PCNT: variants seen among roughly 807,000 people sequenced by gnomAD.
The protein encoded by PCNT is pericentrin, also known as kendrin.
PCNT carries 319 observed loss-of-function variants against 380.4 expected under a neutral mutation model. The observed-to-expected ratio is 0.84, with a 90% CI of 0.77 to 0.92. The LOEUF is 0.92. Among genes scored for constraint, PCNT ranks in the 40% least tolerant of loss-of-function variants. The probability of loss-of-function intolerance (pLI) is 0.00; values close to 1 mark genes in which losing one functional copy is unlikely to be tolerated. For missense variants in PCNT, 4,400 were observed against 4,255.3 expected, an observed-to-expected ratio of 1.03 and a Z score of -0.95; for synonymous variants, 1,845 against 1,735.2, an observed-to-expected ratio of 1.06 and a Z score of -1.57.
chr21:46,407,986 GT>G (rs1297061956), intron 27 of PCNT, among the ~76,000 whole-genome samples: 1 of 151,984 alleles, frequency 6.6e-6, no homozygotes, highest in Non-Finnish European at 1.5e-5. Context: ...TTATTTTTCA[GT>G]ATAACAATTT....
At chr21:46,329,856 G>A (rs1601745138) in intron 2 of PCNT, among the ~76,000 whole-genome samples, 1 of 152,218 alleles carries the variant, frequency 6.6e-6, no homozygotes, top group Non-Finnish European at 1.5e-5. Context: ...GGAAAAGTAT[G>A]TGCTCCTGCA....
chr21:46,410,855 A>C (rs1361738443), intron 27 of PCNT, among the ~76,000 whole-genome samples: 2 of 152,248 alleles, frequency 1.3e-5, no homozygotes. Flanking sequence ...CCTTCAGGAA[A>C]ATCAAACAAA....
chr21:46,367,059 T>G lies in PCNT; in HGVS notation c.3085T>G (p.Ser1029Ala). Reference sequence around the variant, plus strand: ...GCGGAAACACGAAGGGGAGCTACAGTCTGTGCGGGACCACCTGCGAACCGA... The same window carrying G: ...GCGGAAACACGAAGGGGAGCTACAGGCTGTGCGGGACCACCTGCGAACCGA... ...LKRKHEGELQSVRDHLRTEVS... is the reference protein window; with the variant it reads ...LKRKHEGELQAVRDHLRTEVS... The change falls in exon 15 of 47, where the codon TCT becomes GCT. Residue 1029 changes from serine (S) to alanine (A), a missense_variant. Transcript: ENST00000359568. 1 of 1,613,972 alleles carries G rather than the reference T, an allele frequency of 6.2e-7. No individual in the cohort carries two copies. The highest frequency in any genetic ancestry group is 8.5e-7 in the Non-Finnish European group (1 of 1,180,012).
Position 46,431,863 on chromosome 21 carries a change from G to C in PCNT, c.8399G>C (p.Arg2800Pro). ...LLQKLKEEKS[R>P]VVDLQAMLEK... ...CAGAAGCTGAAGGAGGAGAAGTCCC[G>C]GGTGGTGGACTTGCAAGCGATGCTT... is the stretch of plus-strand genomic sequence containing the variant. The change falls in exon 38 of 47, where the codon CGG becomes CCG. Residue 2800 changes from arginine to proline, a missense_variant. Physicochemically the swap from Arg to Pro is moderately radical, Grantham distance 103. Coordinates refer to ENST00000359568, the MANE Select transcript of PCNT (RefSeq NM_006031.6). 6.2e-7 allele frequency: 1 copy of C among 1,614,008 alleles called. No homozygotes were observed. Among genetic ancestry groups the C allele is most frequent in the Non-Finnish European group, 8.5e-7 (1 of 1,180,022 alleles).
At chr21:46,430,782 A>C in intron 37 of PCNT, 125 bp downstream of exon 37, 1 of 1,531,860 alleles carries the variant, frequency 6.5e-7, no homozygotes, top group Non-Finnish European at 8.8e-7. Context: ...CAGCAGTGTG[A>C]CGTAGCAGGA....
intron 38 of PCNT, among the ~76,000 whole-genome samples, chr21:46,433,197 C>G (rs1453382779): frequency 1.3e-5 from 2 of 152,094 alleles, no homozygotes; most frequent in African/African-American, 4.8e-5. Flanking sequence ...GCCTGGCCAA[C>G]AAGGCGAAAG....
intron 13 of PCNT, among the ~76,000 whole-genome samples, chr21:46,359,946 T>A (rs536892216): frequency 3.3e-5 from 5 of 150,864 alleles, no homozygotes; most frequent in African/African-American, 1.2e-4. Flanking sequence ...AACCTCTTCC[T>A]CCCAGGCTCA....
intron 32 of PCNT, among the ~76,000 whole-genome samples, chr21:46,422,476 C>T (rs1387907548): frequency 6.7e-6 from 1 of 149,928 alleles, no homozygotes; most frequent in East Asian, 1.9e-4. Flanking sequence ...CACCAGACGC[C>T]GCAGTGCTCT....
At chr21:46,351,613 G>C (rs1035883530) in intron 9 of PCNT, 73 bp downstream of exon 9, 39 of 920,946 alleles carry the variant, frequency 4.2e-5, no homozygotes, top group Non-Finnish European at 6.7e-5. Flanking sequence ...GTAACACCAA[G>C]CCAGAATTTA....
Position 46,431,569 on chromosome 21 carries a change from G to A in PCNT, c.8105G>A (p.Ser2702Asn), listed in dbSNP as rs765063998. The A allele has an allele frequency of 1.2e-6, 2 of 1,614,076 alleles. No homozygotes were observed. The highest frequency in any genetic ancestry group is 2.2e-5 in the South Asian group (2 of 91,090). Residue 2702 changes from serine to asparagine, a missense_variant, in exon 38 of 47, where the codon AGT (serine) becomes AAT (asparagine). Coordinates refer to ENST00000359568, the MANE Select transcript of PCNT (RefSeq NM_006031.6). The part of the protein sequence containing the change: ...ASLETQRAQS[S>N]RLCVALKHEQ... The stretch of plus-strand genomic sequence containing the variant: ...TTGGAGACACAGCGTGCTCAGAGCA[G>A]TCGACTCTGCGTGGCACTGAAACAC...
chr21:46,397,623 A>T (rs950597152), intron 22 of PCNT, 129 bp downstream of exon 22: 7 of 771,694 alleles, frequency 9.1e-6, no homozygotes, highest in Non-Finnish European at 1.5e-5. Context: ...CCTGCTGCAC[A>T]GGTGCACCCA....
intron 28 of PCNT, among the ~76,000 whole-genome samples, chr21:46,412,396 T>C (rs1402874070): frequency 6.6e-6 from 1 of 152,224 alleles, no homozygotes; most frequent in Non-Finnish European, 1.5e-5. Flanking sequence ...AAGCTGCTTC[T>C]CTGGTTTCTA....
At position 46,431,525 on chromosome 21, in the gene PCNT, C is replaced by G. The variant is rs746633043; in HGVS notation, c.8065-4C>G. On this transcript the variant is annotated splice_polypyrimidine_tract_variant and splice_region_variant and intron_variant, in intron 37 of 46. Transcript: ENST00000359568. ...GTCTCCCATCGTATGTGTTTGCTGT[C>G]TAGGAGCTGCGGGCGTCTTTGGAGA... 3 of 1,613,990 alleles carry G rather than the reference C, an allele frequency of 1.9e-6. No homozygotes were observed. Among genetic ancestry groups the G allele is most frequent in the Non-Finnish European group, 8.5e-7 (1 of 1,179,934 alleles).
In PCNT at chr21:46,391,087, C is replaced by CG. The variant is rs1728105705; in HGVS notation, c.4004-76dup. 16 of 1,388,854 alleles carry CG rather than the reference C, an allele frequency of 1.2e-5. No individual in the cohort carries two copies. The South Asian group carries it at 1.7e-4, about 15-fold the overall frequency. The allele number at this position is 1,388,854 out of a possible 1,614,324, so 86.0% of individuals were successfully genotyped here. A position where few individuals can be genotyped will look rare whatever the true frequency, so the allele number is the denominator to read the frequency against. ...CTGCTGCTCTCAGGGGCAGTGGCCC[C>CG]GTCCCTTCCTCCAAGCAGGCTCTCC... is the stretch of plus-strand genomic sequence containing the variant. On this transcript the variant is annotated intron_variant, in intron 20 of 46. Transcript: ENST00000359568.
rs564609095 is a variant in PCNT, at chr21:46,427,814, A to T, written c.7494+19A>T. 1 of 1,612,592 alleles carries T rather than the reference A, an allele frequency of 6.2e-7. No homozygotes were observed. Among genetic ancestry groups the T allele is most frequent in the East Asian group, 2.2e-5 (1 of 44,870 alleles). On this transcript the variant is annotated intron_variant, in intron 34 of 46. Transcript: ENST00000359568. ...TGAGCAGGTGAGTGTCAGCTCTGCC[A>T]CCAGGCCTCAGTTTGCCCCAGGGGT...
chr21:46,410,313 A>C (rs2086745992), intron 27 of PCNT, among the ~76,000 whole-genome samples: 1 of 152,132 alleles, frequency 6.6e-6, no homozygotes, highest in South Asian at 2.1e-4. Flanking sequence ...TGTAGGCCAG[A>C]TTTGCATTTG....
rs767844895 is a variant in PCNT, at chr21:46,441,033, G to A, written c.9572G>A (p.Arg3191His). 6 of 1,614,126 alleles carry A rather than the reference G, an allele frequency of 3.7e-6. No homozygotes were observed. Among genetic ancestry groups the A allele is most frequent in the South Asian group, 1.1e-5 (1 of 91,086 alleles). ...PSKAERKITSRPFTRFRTAVR... is the reference protein window; with the variant it reads ...PSKAERKITSHPFTRFRTAVR... The stretch of plus-strand genomic sequence containing the variant: ...AAAGCAGAACGGAAAATCACATCTC[G>A]TCCTTTCACCAGGTTCCGCACGGCC... The change falls in exon 43 of 47, where the codon CGT (arginine) becomes CAT (histidine). Residue 3191 changes from arginine (R) to histidine (H), a missense_variant. Arg to His is a conservative substitution (Grantham distance 29, BLOSUM62 0). Coordinates refer to ENST00000359568, the MANE Select transcript of PCNT (RefSeq NM_006031.6).
At chr21:46,342,733 G>GT (rs1242481279) in intron 3 of PCNT, among the ~76,000 whole-genome samples, 1 of 151,884 alleles carries the variant, frequency 6.6e-6, no homozygotes, top group Non-Finnish European at 1.5e-5. Context: ...TAGAGACGGA[G>GT]TTTCAGCAGA....
At position 46,381,220 on chromosome 21, in the gene PCNT, G is replaced by C. The variant is rs1464353724; in HGVS notation, c.3166-474G>C. On this transcript the variant is annotated intron_variant, in intron 15 of 46. Coordinates refer to ENST00000359568, the MANE Select transcript of PCNT (RefSeq NM_006031.6). ...TCTGTGTGTGTGTGTGTGTGTGTGT[G>C]TGTGTGTGTGTGTGTGTGTGTGTGT... is the stretch of plus-strand genomic sequence containing the variant. Among the ~76,000 whole-genome samples, 671 of 147,634 alleles carry C rather than the reference G, an allele frequency of 4.5e-3. 54 individuals are homozygous for C. The highest frequency in any genetic ancestry group is 0.016 in the African/African-American group (640 of 39,238).
Sources: allele counts gnomAD v4.1 joint callset (sites outside exome capture counted in the v4.1 genomes callset), GRCh38; gene constraint gnomAD v4.1.1; transcripts MANE v1.5; gene names NCBI Gene and HGNC (gene_info 2026-07-23, HGNC 2026-07-21).